Variants in MYRF observed in about 807,000 individuals in gnomAD.
MYRF encodes myelin regulatory factor, also known as myelin gene regulatory factor.
MYRF carries 16 observed loss-of-function variants against 126.3 expected under a neutral mutation model. The ratio of observed to expected loss-of-function variants is 0.13; its 90% CI spans 0.09 to 0.19. The LOEUF is 0.19. Among genes scored for constraint, MYRF ranks in the 10% least tolerant of loss-of-function variants. The probability of loss-of-function intolerance (pLI) is 1.00; values close to 1 mark genes in which losing one functional copy is unlikely to be tolerated. For synonymous variants in MYRF, 608 were observed against 635.3 expected (o/e 0.96, Z 0.65); for missense variants, 1,104 against 1,547.0 (o/e 0.71, Z 4.80).
chr11:61,753,634 CA>C (rs1384738663), intron 1 of MYRF, among the ~76,000 whole-genome samples: 1 of 151,960 alleles, frequency 6.6e-6, no homozygotes, highest in Non-Finnish European at 1.5e-5. Flanking sequence ...CTCGCCCCCT[CA>C]AAGAGTGACC....
chr11:61,784,644 T>C (rs559192145), intron 25 of MYRF: 1 of 470,254 alleles, frequency 2.1e-6, no homozygotes, highest in African/African-American at 2.0e-5. Context: ...CAGGTGCTAA[T>C]GTGGATGAGT....
chr11:61,787,410 G>C lies in MYRF; in HGVS notation c.*1267G>C, dbSNP rs1444146146. ...ATGGAAGGAGTGTAGTATTCATTTA[G>C]CCATGTCTGCCATGGGTCCAGAAAT... On this transcript the variant is annotated 3_prime_UTR_variant, in exon 27 of 27. Transcript: ENST00000278836. The C allele has an allele frequency of 6.6e-6, 1 of 152,504 alleles. No individual in the cohort carries two copies. Among genetic ancestry groups the C allele is most frequent in the Non-Finnish European group, 1.5e-5 (1 of 68,038 alleles). The allele number at this position is 152,504 out of a possible 1,614,324, so 9.4% of individuals were successfully genotyped here. A position where few individuals can be genotyped will look rare whatever the true frequency, so the allele number is the denominator to read the frequency against.
At position 61,777,595 on chromosome 11, in the gene MYRF, C is replaced by A; in HGVS notation, c.1791+131C>A. 1 of 1,353,022 alleles carries A rather than the reference C, an allele frequency of 7.4e-7. No homozygotes were observed. The highest frequency in any genetic ancestry group is 1.0e-6 in the Non-Finnish European group (1 of 985,054). 83.8% of individuals were successfully genotyped at this position (1,353,022 alleles called of 1,614,324 possible). A position where few individuals can be genotyped will look rare whatever the true frequency, so the allele number is the denominator to read the frequency against. ...GGGGAAGGAAGGGAGGGAGGCTGGCCTCGAATCCCGATCTAACCACTCCAG... is the reference window on the plus strand; with the variant it reads ...GGGGAAGGAAGGGAGGGAGGCTGGCATCGAATCCCGATCTAACCACTCCAG... On this transcript the variant is annotated intron_variant, in intron 12 of 26. Coordinates refer to ENST00000278836, the MANE Select transcript of MYRF (RefSeq NM_001127392.3). The surrounding 1 kb of genome is among the most constrained non-coding windows in gnomAD (Gnocchi z 8.8).
Position 61,777,473 on chromosome 11 carries a change from A to C in MYRF, c.1791+9A>C. ...AGGAACACGTGCAGGAGGTGGGGACAGGGCTGTGGGGGCCGGGCGGGTCCA... is the reference window on the plus strand; with the variant it reads ...AGGAACACGTGCAGGAGGTGGGGACCGGGCTGTGGGGGCCGGGCGGGTCCA... On this transcript the variant is annotated intron_variant, in intron 12 of 26. Coordinates refer to ENST00000278836, the MANE Select transcript of MYRF (RefSeq NM_001127392.3). The surrounding 1 kb of genome is among the most constrained non-coding windows in gnomAD (Gnocchi z 8.8). The C allele has an allele frequency of 7.2e-7, 1 of 1,390,834 alleles. No individual in the cohort carries two copies. The highest frequency in any genetic ancestry group is 9.6e-7 in the Non-Finnish European group (1 of 1,044,096). The allele number at this position is 1,390,834 out of a possible 1,614,324, so 86.2% of individuals were successfully genotyped here.
At position 61,778,488 on chromosome 11, in the gene MYRF, A is replaced by C. The variant is rs778012232; in HGVS notation, c.2012A>C (p.Lys671Thr). The stretch of plus-strand genomic sequence containing the variant: ...ATAGAGAACTTCCTGGTGGTGAACA[A>C]GGTCTGTGGGTGGGGGAATGGGAGG... ...KTIENFLVVNKERIFMENVGA... is the reference protein window; with the variant it reads ...KTIENFLVVNTERIFMENVGA... Residue 671 changes from lysine to threonine, a missense_variant and splice_region_variant, in exon 14 of 27, where the codon AAG becomes ACG. Lys to Thr is a moderately conservative substitution (Grantham distance 78). Around this residue, in one of 10 missense-constraint regions of MYRF, gnomAD observed 123 missense variants for 209.1 expected, o/e 0.59. Transcript: ENST00000278836. This position sits in a 1 kb window ranked among gnomAD's most constrained non-coding sequence, Gnocchi z 4.6. The C allele has an allele frequency of 6.2e-7, 1 of 1,610,386 alleles. No individual in the cohort carries two copies. Among genetic ancestry groups the C allele is most frequent in the Non-Finnish European group, 8.5e-7 (1 of 1,176,784 alleles).
In MYRF at chr11:61,771,644, ACCCT is replaced by A. The variant is rs1320269044; in HGVS notation, c.886_889del (p.Pro296GlyfsTer108). 2.5e-6 allele frequency: 4 copies of A among 1,613,732 alleles called. No individual in the cohort carries two copies. Among genetic ancestry groups the A allele is most frequent in the Non-Finnish European group, 3.4e-6 (4 of 1,179,952 alleles). ...TGCACCCCACTCGAGCCCCATCGCC[ACCCT>A]GGCCTCCCCAGGGTCCGCTCTCCCC... On this transcript the variant is annotated frameshift_variant, in exon 6 of 27. Coordinates refer to ENST00000278836, the MANE Select transcript of MYRF (RefSeq NM_001127392.3). LOFTEE classifies it high-confidence loss of function.
At position 61,766,088 on chromosome 11, in the gene MYRF, C is replaced by A; in HGVS notation, c.265C>A (p.Pro89Thr). 1.2e-6 allele frequency: 2 copies of A among 1,606,376 alleles called. No homozygotes were observed. The highest frequency in any genetic ancestry group is 1.3e-5 in the African/African-American group (1 of 75,010). Reference sequence around the variant, plus strand: ...TGGACCCTCCCCGGGGCGCCATGGTCCCCTCCCACCCCCGGGCTACGGCAC... The same window carrying A: ...TGGACCCTCCCCGGGGCGCCATGGTACCCTCCCACCCCCGGGCTACGGCAC... ...GGGPSPGRHG[P>T]LPPPGYGTPL... Residue 89 changes from proline (P) to threonine (T), a missense_variant, in exon 3 of 27, where the codon CCC (proline) becomes ACC (threonine). This residue lies in a region of MYRF where 368 missense variants were observed against 403.9 expected (regional missense o/e 0.91). Coordinates refer to ENST00000278836, the MANE Select transcript of MYRF (RefSeq NM_001127392.3).
Position 61,769,310 on chromosome 11 carries a change from A to G in MYRF, c.449A>G (p.Gln150Arg). ...TCGGGCTCCGAGGCCTACTCCCCCC[A>G]GCAGGTGAATGGTGAGTCCAGCGGG... ...PDSGSEAYSP[Q>R]QVNEPHLLRT... The change falls in exon 4 of 27, where the codon CAG (glutamine) becomes CGG (arginine). Residue 150 changes from glutamine to arginine, a missense_variant. Physicochemically the swap from Gln to Arg is conservative, Grantham distance 43. This residue lies in a region of MYRF where 368 missense variants were observed against 403.9 expected (regional missense o/e 0.91). Transcript: ENST00000278836. 2 of 1,609,982 alleles carry G rather than the reference A, an allele frequency of 1.2e-6. No individual in the cohort carries two copies. Among genetic ancestry groups the G allele is most frequent in the East Asian group, 2.2e-5 (1 of 44,766 alleles).
intron 25 of MYRF, chr11:61,785,314 T>C: frequency 6.1e-6 from 1 of 164,736 alleles, no homozygotes; most frequent in Non-Finnish European, 1.3e-5. Context: ...ATGGGCAAGC[T>C]GCCTGCAGCC....
At chr11:61,761,794 A>G (rs2065908262) in intron 1 of MYRF, among the ~76,000 whole-genome samples, 1 of 152,266 alleles carries the variant, frequency 6.6e-6, no homozygotes, top group African/African-American at 2.4e-5. Flanking sequence ...CAGTTTCCTC[A>G]TCTATAAAAT....
intron 8 of MYRF, among the ~76,000 whole-genome samples, chr11:61,775,722 G>T (rs1407214048): frequency 6.6e-6 from 1 of 151,764 alleles, no homozygotes; most frequent in Non-Finnish European, 1.5e-5. Context: ...GTGTGTGTGT[G>T]TCTGTGTGTG....
At chr11:61,765,071 C>T (rs1379649301) in intron 1 of MYRF, among the ~76,000 whole-genome samples, 1 of 152,232 alleles carries the variant, frequency 6.6e-6, no homozygotes, top group Non-Finnish European at 1.5e-5. Context: ...CCCTGTGGGC[C>T]CCCAGGATAT....
Position 61,764,989 on chromosome 11 carries a change from G to A in MYRF, c.47-636G>A, listed in dbSNP as rs762657828. 5.9e-5 allele frequency among the ~76,000 whole-genome samples: 9 copies of A among 152,240 alleles called. 1 individual carries two copies. Among genetic ancestry groups the A allele is most frequent in the Non-Finnish European group, 1.3e-4 (9 of 68,018 alleles). On this transcript the variant is annotated intron_variant, in intron 1 of 26. Coordinates refer to ENST00000278836, the MANE Select transcript of MYRF (RefSeq NM_001127392.3). ...GGTGATGGGCATATCCAATGAGGGT[G>A]CAGGGAGCTCTCCTGATTCTGATCC...
intron 1 of MYRF, among the ~76,000 whole-genome samples, chr11:61,761,263 G>GA (rs1555053546): frequency 6.6e-6 from 1 of 151,664 alleles, no homozygotes; most frequent in Non-Finnish European, 1.5e-5. Context: ...AGCTGGTGGG[G>GA]GGGGGGGCAC....
chr11:61,770,578 A>T, intron 5 of MYRF, 53 bp downstream of exon 5: 487 of 1,068,230 alleles, frequency 4.6e-4, no homozygotes, highest in Non-Finnish European at 6.1e-4. Flanking sequence ...TACAGGGACC[A>T]GGGTGGGCAG....
chr11:61,774,942 C>G (rs2066334283), intron 8 of MYRF, among the ~76,000 whole-genome samples: 1 of 152,186 alleles, frequency 6.6e-6, no homozygotes, highest in Non-Finnish European at 1.5e-5. Flanking sequence ...TGCACACTTG[C>G]CTCCCACCCT....
At chr11:61,765,570 C>T in intron 1 of MYRF, 55 bp from the exon 2 acceptor site, 1 of 1,472,294 alleles carries the variant, frequency 6.8e-7, no homozygotes, top group South Asian at 1.2e-5. Context: ...GCCCTGAAGC[C>T]CAGGGTCTGC....
chr11:61,786,399 AG>A lies in MYRF; in HGVS notation c.*258del, dbSNP rs1241277275. The A allele has an allele frequency of 3.7e-6, 2 of 546,598 alleles. No homozygotes were observed. The highest frequency in any genetic ancestry group is 6.2e-5 in the East Asian group (2 of 32,332). 33.9% of individuals were successfully genotyped at this position (546,598 alleles called of 1,614,324 possible). On this transcript the variant is annotated 3_prime_UTR_variant, in exon 27 of 27. Coordinates refer to ENST00000278836, the MANE Select transcript of MYRF (RefSeq NM_001127392.3). The surrounding 1 kb of genome is among the most constrained non-coding windows in gnomAD (Gnocchi z 4.5). ...CCTGCCACCCCCTAGGGGCCAGGAC[AG>A]GACCAGTTTACCTCTTTCCAGATAT... is the stretch of plus-strand genomic sequence containing the variant.
rs2066465709 is a variant in MYRF, at chr11:61,778,953, TCC to T, written c.2014-308_2014-307del. On this transcript the variant is annotated intron_variant, in intron 14 of 26. Coordinates refer to ENST00000278836, the MANE Select transcript of MYRF (RefSeq NM_001127392.3). The surrounding 1 kb of genome is among the most constrained non-coding windows in gnomAD (Gnocchi z 4.6). ...AGACACCAGTCATCCGAGGGGCAGA[TCC>T]CGGGGCTGCAGCCTTCAGGCTTAGG... The T allele has an allele frequency of 4.9e-6, 3 of 613,184 alleles. No homozygotes were observed. The highest frequency in any genetic ancestry group is 9.1e-6 in the Non-Finnish European group (3 of 328,254). The allele number at this position is 613,184 out of a possible 1,614,324, so 38.0% of individuals were successfully genotyped here.
Sources: gnomAD v4.1 joint callset for allele counts (sites outside exome capture counted in the v4.1 genomes callset) on GRCh38, gnomAD v4.1.1 for gene constraint, gnomAD v4.1.1 regional missense constraint, Gnocchi (gnomAD v3.1) non-coding constraint, MANE v1.5 for transcripts, NCBI Gene and HGNC (gene_info 2026-07-23, HGNC 2026-07-21) for gene names.